CAPN8: variants seen among roughly 807,000 people sequenced by gnomAD.
CAPN8 encodes calpain-8.
In CAPN8, 87 loss-of-function variants were observed where a neutral mutation model predicts 80.9. The ratio of observed to expected loss-of-function variants is 1.07; its 90% CI spans 0.90 to 1.28. The LOEUF (loss-of-function observed/expected upper bound fraction) is 1.28. Among genes scored for constraint, CAPN8 ranks in the 50% most tolerant of loss-of-function variants. CAPN8 has a pLI of 0.00. For synonymous variants in CAPN8, 299 were observed against 273.8 expected (o/e 1.09, Z -0.91); for missense variants, 757 against 702.0 (o/e 1.08, Z -0.89).
chr1:223,619,840 T>A (rs1657329671), intron 8 of CAPN8, among the ~76,000 whole-genome samples: 1 of 152,166 alleles, frequency 6.6e-6, no homozygotes. Flanking sequence ...TCAAGGAGTA[T>A]CCTTATTATC....
At chr1:223,630,020 G>T (rs1657725156) in intron 2 of CAPN8, among the ~76,000 whole-genome samples, 1 of 152,152 alleles carries the variant, frequency 6.6e-6, no homozygotes, top group Non-Finnish European at 1.5e-5. Context: ...ACTGTGGCCA[G>T]AGCTATATAC....
chr1:223,627,502 A>G (rs1278621012), intron 4 of CAPN8, among the ~76,000 whole-genome samples: 1 of 152,190 alleles, frequency 6.6e-6, no homozygotes, highest in African/African-American at 2.4e-5. Flanking sequence ...GCATCTGCTG[A>G]GGCTTGCTGG....
At position 223,543,097 on chromosome 1, in the gene CAPN8, A is replaced by G; in HGVS notation, c.2088+11T>C. 2 of 1,551,582 alleles carry G rather than the reference A, an allele frequency of 1.3e-6. No individual in the cohort carries two copies. The highest frequency in any genetic ancestry group is 1.7e-6 in the Non-Finnish European group (2 of 1,146,888). On this transcript the variant is annotated intron_variant, in intron 20 of 20. Coordinates refer to ENST00000366872, the MANE Select transcript of CAPN8 (RefSeq NM_001143962.2). The stretch of plus-strand genomic sequence containing the variant: ...ATCAGCCAGCAATTCATCAAACCTC[A>G]GGACATTCACCTCGGCCAGAGAGAG...
chr1:223,665,298 T>G, intron 1 of CAPN8, 112 bp downstream of exon 1: 46 of 796,584 alleles, frequency 5.8e-5, no homozygotes, highest in East Asian at 8.1e-5. Context: ...ATCTGAAATA[T>G]GAGATCCAGA....
intron 13 of CAPN8, among the ~76,000 whole-genome samples, chr1:223,554,437 C>T (rs945640337): frequency 1.1e-4 from 16 of 151,958 alleles, no homozygotes; most frequent in African/African-American, 3.9e-4. Context: ...CTGGGCAACA[C>T]GGTGAAACCC....
chr1:223,644,937 T>C (rs1213953612), intron 2 of CAPN8, among the ~76,000 whole-genome samples: 1 of 152,160 alleles, frequency 6.6e-6, no homozygotes, highest in African/African-American at 2.4e-5. Flanking sequence ...GATGTATATA[T>C]GAAAGGGAGT....
chr1:223,660,418 G>C (rs12127406), intron 1 of CAPN8, among the ~76,000 whole-genome samples: 2 of 152,214 alleles, frequency 1.3e-5, no homozygotes, highest in Admixed American at 6.5e-5. Context: ...CAACCATGCT[G>C]TTTGTGGTAG....
intron 9 of CAPN8, among the ~76,000 whole-genome samples, chr1:223,616,627 C>T (rs896738039): frequency 6.6e-6 from 1 of 152,206 alleles, no homozygotes; most frequent in African/African-American, 2.4e-5. Flanking sequence ...CCAAAAAGGT[C>T]TCTCCGTGAC....
chr1:223,547,659 G>A (rs1232348862), intron 16 of CAPN8, among the ~76,000 whole-genome samples: 1 of 152,068 alleles, frequency 6.6e-6, no homozygotes, highest in Non-Finnish European at 1.5e-5. Flanking sequence ...GGATTCCATG[G>A]GTATTTCTGC....
intron 2 of CAPN8, 110 bp downstream of exon 2, chr1:223,654,220 C>A: frequency 1.1e-6 from 1 of 911,568 alleles, no homozygotes; most frequent in South Asian, 1.6e-5. Flanking sequence ...ACGGACACAT[C>A]AGGTACCTAA....
In CAPN8 at chr1:223,609,230, C is replaced by T. The variant is rs1249377746; in HGVS notation, c.1458G>A (p.Val486=). 7.5e-6 allele frequency: 3 copies of T among 398,374 alleles called. No individual in the cohort carries two copies. In the Admixed American group the frequency reaches 1.3e-4, roughly 18 times the overall value. The allele number at this position is 398,374 out of a possible 1,614,324, so 24.7% of individuals were successfully genotyped here. A position where few individuals can be genotyped will look rare whatever the true frequency, so the allele number is the denominator to read the frequency against. ...RARLPPGEYL[V]VPSTFEPFKD... is the part of the protein sequence containing the mutation. ...TGAAGGGTTCAAATGTGGATGGCAC[C>T]ACCAGGTACTCCCCAGGGGGCAGCC... Residue 486 remains valine, a synonymous_variant, in exon 12 of 21, where the codon GTG becomes GTA. Transcript: ENST00000366872.
intron 2 of CAPN8, among the ~76,000 whole-genome samples, chr1:223,649,615 T>C (rs1320034735): frequency 6.6e-6 from 1 of 152,184 alleles, no homozygotes; most frequent in East Asian, 1.9e-4. Context: ...TAGAGACACA[T>C]AGGCAACCTC....
rs983880876 is a variant in CAPN8 at position 223,662,950 on chromosome 1, T to C, written c.237+2460A>G. ...CCTTCTCTAATGTACCCTTGTGGTA[T>C]GTGAGCATGAGCCTGCCCAAAAGCA... On this transcript the variant is annotated intron_variant, in intron 1 of 20. Transcript: ENST00000366872. Among the ~76,000 whole-genome samples the C allele has an allele frequency of 7.2e-5, 11 of 152,228 alleles. No homozygotes were observed. The East Asian group carries it at 1.9e-3, about 27-fold the overall frequency.
Position 223,628,746 on chromosome 1 carries a change from C to G in CAPN8, c.342G>C (p.Leu114=). 3 of 1,554,092 alleles carry G rather than the reference C, an allele frequency of 1.9e-6. No individual in the cohort carries two copies. The highest frequency in any genetic ancestry group is 2.6e-6 in the Non-Finnish European group (3 of 1,148,508). ...DCWLLAAIAS[L]TLNEELLYRV... is the part of the protein sequence containing the mutation. ...GGTAAAGCAGCTCTTCATTCAGGGT[C>G]AGGGAGGCAATGGCAGCCAGAAGCC... The change falls in exon 3 of 21, where the codon CTG becomes CTC. Residue 114 remains leucine (L), a synonymous_variant. Coordinates refer to ENST00000366872, the MANE Select transcript of CAPN8 (RefSeq NM_001143962.2).
chr1:223,619,603 G>A (rs891733584), intron 8 of CAPN8, 150 bp from the exon 9 acceptor site: 10 of 751,580 alleles, frequency 1.3e-5, no homozygotes, highest in South Asian at 5.5e-5. Context: ...ATACAAACAC[G>A]CAGAGACAAC....
At chr1:223,551,432 T>C (rs1391217756) in intron 14 of CAPN8, among the ~76,000 whole-genome samples, 1 of 152,072 alleles carries the variant, frequency 6.6e-6, no homozygotes, top group Admixed American at 6.6e-5. Flanking sequence ...TGAGCCACCG[T>C]GCCCGGCTGG....
chr1:223,620,200 T>C lies in CAPN8; in HGVS notation c.966A>G (p.Gly322=). The stretch of plus-strand genomic sequence containing the variant: ...GCAGAAAACTCTCTCACCAGAATTC[T>C]CCATCCTCAACTTTCTTGTCCAGTT... ...KEELDKKVED[G]EFWMSLSDFV... is the part of the protein sequence containing the mutation. Residue 322 remains glycine, a synonymous_variant, in exon 8 of 21, where the codon GGA becomes GGG. Transcript: ENST00000366872. 6.4e-7 allele frequency: 1 copy of C among 1,551,610 alleles called. No homozygotes were observed. The highest frequency in any genetic ancestry group is 8.7e-7 in the Non-Finnish European group (1 of 1,146,958).
intron 6 of CAPN8, among the ~76,000 whole-genome samples, chr1:223,625,366 C>A (rs906070574): frequency 7.2e-5 from 11 of 152,284 alleles, no homozygotes; most frequent in South Asian, 4.1e-4. Context: ...TTAGTTAGAA[C>A]CTATTGAGCA....
chr1:223,648,854 C>T (rs1017408617), intron 2 of CAPN8, among the ~76,000 whole-genome samples: 3 of 152,104 alleles, frequency 2.0e-5, no homozygotes, highest in African/African-American at 4.8e-5. Context: ...CACAAACACA[C>T]GGAGTATAAG....
Sources: gnomAD v4.1 joint callset for allele counts (sites outside exome capture counted in the v4.1 genomes callset) on GRCh38, gnomAD v4.1.1 for gene constraint, MANE v1.5 for transcripts, NCBI Gene and HGNC (gene_info 2026-07-23, HGNC 2026-07-21) for gene names.